Variants in PGK1 observed in about 807,000 individuals in gnomAD.
PGK1 encodes the protein PRP 2.
Under a neutral mutation model 26.9 loss-of-function variants are expected in PGK1, and 3 were observed. The observed-to-expected ratio is 0.11, with a 90% CI of 0.05 to 0.29. The LOEUF (loss-of-function observed/expected upper bound fraction) is 0.29, where lower values mean the gene tolerates loss of function less well. PGK1 is among the 10% of genes least tolerant of loss of function. PGK1 has a pLI of 1.00. For missense variants in PGK1, 270 were observed against 314.7 expected (o/e 0.86, Z 1.07); for synonymous variants, 125 against 115.3 (o/e 1.08, Z -0.54).
chrX:78,114,191 G>T (rs782817780), intron 4 of PGK1, 31 bp downstream of exon 4: 1 of 1,178,398 alleles, frequency 8.5e-7, no homozygotes, highest in South Asian at 1.8e-5. Flanking sequence ...ATTATTGGGG[G>T]TGAGGGCCTG....
intron 6 of PGK1, 69 bp from the exon 7 acceptor site, chrX:78,122,766 C>G: frequency 7.9e-6 from 5 of 630,825 alleles, no homozygotes; most frequent in Non-Finnish European, 1.4e-5. Flanking sequence ...AATAGAAACT[C>G]AGTTTCTATG....
Position 78,113,828 on chromosome X carries a change from T to A in PGK1, c.201T>A (p.Pro67=), listed in dbSNP as rs1486654026. Residue 67 remains proline, a synonymous_variant, in exon 3 of 11, where the codon CCT becomes CCA. Coordinates refer to ENST00000373316, the MANE Select transcript of PGK1 (RefSeq NM_000291.4). ...SVVLMSHLGR[P]DGVPMPDKYS... is the part of the protein sequence containing the mutation. The stretch of plus-strand genomic sequence containing the variant: ...TCCTTATGAGCCACCTAGGCCGGCC[T>A]GATGGTGTGCCCATGCCTGACAAGT... The A allele has an allele frequency of 8.3e-7, 1 of 1,207,689 alleles. No individual in the cohort carries two copies. Among genetic ancestry groups the A allele is most frequent in the African/African-American group, 1.8e-5 (1 of 57,110 alleles).
At chrX:78,113,482 C>T (rs1253845862) in intron 2 of PGK1, among the ~76,000 whole-genome samples, 3 of 111,385 alleles carry the variant, frequency 2.7e-5, no homozygotes, top group Non-Finnish European at 3.8e-5. Flanking sequence ...CAGACAGGTC[C>T]TTCTGTAGAT....
At chrX:78,122,613 T>C (rs1557248153) in intron 6 of PGK1, among the ~76,000 whole-genome samples, 1 of 111,172 alleles carries the variant, frequency 9.0e-6, no homozygotes, top group Non-Finnish European at 1.9e-5. Context: ...GGTGAGGAAT[T>C]TTTAAAAAGA....
At chrX:78,122,348 T>C (rs1435755327) in intron 6 of PGK1, among the ~76,000 whole-genome samples, 1 of 110,474 alleles carries the variant, frequency 9.1e-6, no homozygotes, top group Non-Finnish European at 1.9e-5. Context: ...TCTGAGTGGC[T>C]CTGGGATCCC....
At position 78,104,259 on chromosome X, in the gene PGK1, T is replaced by C. The variant is rs782534273; in HGVS notation, c.-82T>C. On this transcript the variant is annotated 5_prime_UTR_variant, in exon 1 of 11. Coordinates refer to ENST00000373316, the MANE Select transcript of PGK1 (RefSeq NM_000291.4). ...CCTGCCCGCGCGGTGTTCCGCATTC[T>C]GCAAGCCTCCGGAGCGCACGTCGGC... 4 of 744,677 alleles carry C rather than the reference T, an allele frequency of 5.4e-6. No homozygotes were observed. The highest frequency in any genetic ancestry group is 3.2e-5 in the East Asian group (1 of 30,983). The allele number at this position is 744,677 out of a possible 1,213,427, so 61.4% of individuals were successfully genotyped here.
In PGK1 at chrX:78,127,623, C is replaced by T. The variant is rs1253149343; in HGVS notation, c.*1793C>T. 8.9e-6 allele frequency: 1 copy of T among 111,951 alleles called. No homozygotes were observed. The highest frequency in any genetic ancestry group is 3.2e-5 in the African/African-American group (1 of 30,782). The allele number at this position is 111,951 out of a possible 1,213,427, so 9.2% of individuals were successfully genotyped here. Reference sequence around the variant, plus strand: ...ATGTGCCTCCGTCCCTGACATGATGCTTCTAGGCTATAGATGCTTCTAGAC... The same window carrying T: ...ATGTGCCTCCGTCCCTGACATGATGTTTCTAGGCTATAGATGCTTCTAGAC... On this transcript the variant is annotated 3_prime_UTR_variant, in exon 11 of 11. Transcript: ENST00000373316.
intron 1 of PGK1, among the ~76,000 whole-genome samples, chrX:78,108,872 C>T (rs1557246558): frequency 1.8e-5 from 2 of 111,877 alleles, no homozygotes. Context: ...AGGTACACTT[C>T]TAAGCACTTT....
Position 78,109,901 on chromosome X carries a change from A to G in PGK1, c.100A>G (p.Ile34Val), listed in dbSNP as rs782804673. Residue 34 changes from isoleucine (I) to valine (V), a missense_variant, in exon 2 of 11, where the codon ATA (isoleucine) becomes GTA (valine). This residue lies in a region of PGK1 where 150 missense variants were observed against 154.6 expected (regional missense o/e 0.97). Coordinates refer to ENST00000373316, the MANE Select transcript of PGK1 (RefSeq NM_000291.4). ...DFNVPMKNNQ[I>V]TNNQRIKAAV... is the part of the protein sequence containing the mutation. ...CAATGTTCCTATGAAGAACAACCAG[A>G]TAACAAACAACCAGAGGTAAGGTCC... 8.4e-7 allele frequency: 1 copy of G among 1,191,781 alleles called. No individual in the cohort carries two copies. Among genetic ancestry groups the G allele is most frequent in the Admixed American group, 2.2e-5 (1 of 46,014 alleles).
At chrX:78,107,972 A>G (rs1442599559) in intron 1 of PGK1, among the ~76,000 whole-genome samples, 1 of 111,416 alleles carries the variant, frequency 9.0e-6, no homozygotes, top group East Asian at 2.8e-4. Context: ...GAAAAAAAAA[A>G]AAAAGAAAAT....
rs782012041 is a variant in PGK1 at position 78,108,231 on chromosome X, G to T, written c.66-1636G>T. Among the ~76,000 whole-genome samples the T allele has an allele frequency of 2.5e-4, 28 of 112,191 alleles. 1 individual carries two copies. The highest frequency in any genetic ancestry group is 9.4e-5 in the Admixed American group (1 of 10,628). On this transcript the variant is annotated intron_variant, in intron 1 of 10. Coordinates refer to ENST00000373316, the MANE Select transcript of PGK1 (RefSeq NM_000291.4). ...TGTCCAAAGATATTCCTCCCTGTAA[G>T]GGTTGGGGGTAGAGAGTAGCACTGC...
chrX:78,104,702 C>T (rs2149127881), intron 1 of PGK1, among the ~76,000 whole-genome samples: 1 of 111,408 alleles, frequency 9.0e-6, no homozygotes, highest in South Asian at 3.7e-4. Flanking sequence ...TCCGTTGCCT[C>T]CAGCTCCCAG....
At chrX:78,112,222 C>G (rs2078304997) in intron 2 of PGK1, among the ~76,000 whole-genome samples, 2 of 111,506 alleles carry the variant, frequency 1.8e-5, no homozygotes, top group East Asian at 5.6e-4. Flanking sequence ...TACATGTACG[C>G]ACACACACAT....
chrX:78,122,862 C>A lies in PGK1; in HGVS notation c.669C>A (p.Leu223=). 1 of 1,194,788 alleles carries A rather than the reference C, an allele frequency of 8.4e-7. No individual in the cohort carries two copies. Among genetic ancestry groups the A allele is most frequent in the South Asian group, 1.8e-5 (1 of 56,563 alleles). The change falls in exon 7 of 11, where the codon CTC becomes CTA. Residue 223 remains leucine, a synonymous_variant. Coordinates refer to ENST00000373316, the MANE Select transcript of PGK1 (RefSeq NM_000291.4). ...GGAKVADKIQ[L]INNMLDKVNE... is the part of the protein sequence containing the mutation. The stretch of plus-strand genomic sequence containing the variant: ...CTAAAGTTGCAGACAAGATCCAGCT[C>A]ATCAATAATATGCTGGACAAAGTCA...
intron 5 of PGK1, among the ~76,000 whole-genome samples, chrX:78,117,769 ATTAC>A (rs1221553031): frequency 8.9e-6 from 1 of 112,766 alleles, no homozygotes; most frequent in Non-Finnish European, 1.9e-5. Flanking sequence ...CAACCGGCCA[ATTAC>A]TTACTGTGAT....
At chrX:78,117,789 C>A (rs1043666570) in intron 5 of PGK1, among the ~76,000 whole-genome samples, 2 of 112,904 alleles carry the variant, frequency 1.8e-5, no homozygotes, top group Non-Finnish European at 3.7e-5. Context: ...GTGATTTGCC[C>A]TTTGGCCTGC....
At chrX:78,122,050 A>G (rs1557248081) in intron 6 of PGK1, among the ~76,000 whole-genome samples, 1 of 111,541 alleles carries the variant, frequency 9.0e-6, no homozygotes, top group African/African-American at 3.3e-5. Flanking sequence ...AAAAATTTAA[A>G]AAGAAAAATT....
At position 78,129,217 on chromosome X, in the gene PGK1, GTACCTATC is replaced by G. The variant is rs782679826; in HGVS notation, c.*3390_*3397del. The stretch of plus-strand genomic sequence containing the variant: ...CTGCATAAAGAGCATACCCATGTGT[GTACCTATC>G]TATCTATCTATCTATCTATCTATCT... On this transcript the variant is annotated 3_prime_UTR_variant, in exon 11 of 11. Transcript: ENST00000373316. 1 of 58,120 alleles carries G rather than the reference GTACCTATC, an allele frequency of 1.7e-5. No individual in the cohort carries two copies. Among genetic ancestry groups the G allele is most frequent in the African/African-American group, 9.3e-5 (1 of 10,798 alleles). 4.8% of individuals were successfully genotyped at this position (58,120 alleles called of 1,213,427 possible). A position where few individuals can be genotyped will look rare whatever the true frequency, so the allele number is the denominator to read the frequency against.
In PGK1 at chrX:78,113,909, A is replaced by G; in HGVS notation, c.272+10A>G. The G allele has an allele frequency of 5.8e-6, 7 of 1,210,891 alleles. No individual in the cohort carries two copies. The highest frequency in any genetic ancestry group is 7.8e-6 in the Non-Finnish European group (7 of 894,478). ...AATCTCTGCTGGGCAAGTAAGTGCCAGGCTCTGGTGCTGGTAGACTTTGTG... is the reference window on the plus strand; with the variant it reads ...AATCTCTGCTGGGCAAGTAAGTGCCGGGCTCTGGTGCTGGTAGACTTTGTG... On this transcript the variant is annotated intron_variant, in intron 3 of 10. Coordinates refer to ENST00000373316, the MANE Select transcript of PGK1 (RefSeq NM_000291.4).
Sources: gnomAD v4.1 joint callset for allele counts (sites outside exome capture counted in the v4.1 genomes callset) on GRCh38, gnomAD v4.1.1 for gene constraint, gnomAD v4.1.1 regional missense constraint, MANE v1.5 for transcripts, NCBI Gene and HGNC (gene_info 2026-07-23, HGNC 2026-07-21) for gene names.